The following ZNF177 variants were observed in gnomAD, a reference collection of about 807,000 sequenced individuals.
ZNF177 encodes the protein zinc finger protein 177.
Under a neutral mutation model 19.4 loss-of-function variants are expected in ZNF177, and 17 were observed. The observed-to-expected ratio is 0.87, with a 90% CI of 0.60 to 1.31. The LOEUF (loss-of-function observed/expected upper bound fraction) is 1.31, where lower values mean the gene tolerates loss of function less well. ZNF177 is among the 40% of genes most tolerant of loss of function. ZNF177 has a pLI of 0.00. For synonymous variants in ZNF177, 220 were observed against 188.7 expected, an observed-to-expected ratio of 1.17 and a Z score of -1.36; for missense variants, 633 against 561.8, an observed-to-expected ratio of 1.13 and a Z score of -1.28.
chr19:9,381,774 A>C, exon 6 of ZNF177: 1 of 1,593,496 alleles, frequency 6.3e-7, no homozygotes, highest in Non-Finnish European at 8.5e-7. Context: ...AACTCCATGA[A>C]TGAAATGACT....
exon 3 of ZNF177, chr19:9,378,980 G>A: frequency 6.2e-7 from 1 of 1,607,908 alleles, no homozygotes; most frequent in East Asian, 2.2e-5. Context: ...AACCTTCCAG[G>A]AAGTGGCAGT....
chr19:9,365,436 AGTG>A (rs1381892715), intron 2 of ZNF177, among the ~76,000 whole-genome samples: 1 of 151,808 alleles, frequency 6.6e-6, no homozygotes, highest in Admixed American at 6.6e-5. Context: ...ACCCCAGAAA[AGTG>A]GAGAAGGGCT....
At position 9,381,306 on chromosome 19, in the gene ZNF177, T is replaced by C. The variant is rs775306456; in HGVS notation, c.975T>C (p.Ser325=). The C allele has an allele frequency of 1.9e-6, 3 of 1,614,114 alleles. No homozygotes were observed. In the East Asian group the frequency reaches 6.7e-5, roughly 36 times the overall value. Residue 325 remains serine (S), a synonymous_variant, in exon 6 of 6, where the codon TCT becomes TCC. Coordinates refer to ENST00000589262, the Ensembl canonical transcript of ZNF177. ...GTGGAAAATCCTTTAGCCAGAGCTC[T>C]CATCTGAATGTGCACAAAAGAACTC...
intron 5 of ZNF177, 29 bp from the exon 8 acceptor site, chr19:9,380,639 C>G (rs1226323229): frequency 6.5e-7 from 1 of 1,535,990 alleles, no homozygotes; most frequent in South Asian, 1.2e-5. Context: ...GAAAAAGCCT[C>G]TAGTCACCAC....
upstream of ZNF177, among the ~76,000 whole-genome samples, chr19:9,371,913 CTT>C (rs1171422862): frequency 1.3e-5 from 2 of 152,058 alleles, no homozygotes; most frequent in Admixed American, 6.5e-5. Flanking sequence ...TTTATAGTAT[CTT>C]AATCTATATC....
At position 9,379,042 on chromosome 19, in the gene ZNF177, AT is replaced by A; in HGVS notation, c.115del (p.Tyr39ThrfsTer4). On this transcript the variant is annotated frameshift_variant, in exon 3 of 6. Coordinates refer to ENST00000589262, the Ensembl canonical transcript of ZNF177. LOFTEE classifies it high-confidence loss of function. Reference sequence around the variant, plus strand: ...TGCTGGACCCTGCTCAAAAAAATCTATACAAAGATGTGATGCTGGAGAACTT... The same window carrying A: ...TGCTGGACCCTGCTCAAAAAAATCTAACAAAGATGTGATGCTGGAGAACTT... 1 of 1,611,196 alleles carries A rather than the reference AT, an allele frequency of 6.2e-7. No homozygotes were observed. Among genetic ancestry groups the A allele is most frequent in the Non-Finnish European group, 8.5e-7 (1 of 1,177,930 alleles).
intron 2 of ZNF177, among the ~76,000 whole-genome samples, chr19:9,368,447 A>T (rs995292830): frequency 2.0e-5 from 3 of 152,108 alleles, no homozygotes; most frequent in Non-Finnish European, 4.4e-5. Flanking sequence ...CAACATTTGT[A>T]GTTGTGTTTT....
intron 4 of ZNF177, 102 bp from the exon 7 acceptor site, chr19:9,379,955 T>TA: frequency 7.5e-7 from 1 of 1,330,366 alleles, no homozygotes; most frequent in Non-Finnish European, 1.0e-6. Context: ...TTTCTCTACT[T>TA]AGAAGATATT....
upstream of ZNF177, among the ~76,000 whole-genome samples, chr19:9,373,291 T>C (rs938986376): frequency 1.3e-5 from 2 of 152,218 alleles, no homozygotes; most frequent in African/African-American, 4.8e-5. Context: ...TTTCCTTCTT[T>C]TTTAAGACTG....
At chr19:9,376,942 T>G (rs981508585) in intron 1 of ZNF177, among the ~76,000 whole-genome samples, 31 of 152,164 alleles carry the variant, frequency 2.0e-4, no homozygotes, top group African/African-American at 7.2e-4. Context: ...CTATTTCCTA[T>G]AAATCAGCTC....
In ZNF177 at chr19:9,364,405, C is replaced by T. The variant is rs181594242; in HGVS notation, c.-391-457C>T. ...TTAGAGAGACTATGGAAGGTCCTGA[C>T]AGAGGTTGAAATGCCTGCTATTCCA... is the stretch of plus-strand genomic sequence containing the variant. On this transcript the variant is annotated intron_variant, in intron 1 of 8. Transcript: ENST00000343499. 2.5e-3 allele frequency among the ~76,000 whole-genome samples: 375 copies of T among 152,168 alleles called. 5 individuals are homozygous for T. The highest frequency in any genetic ancestry group is 0.017 in the Admixed American group (266 of 15,286).
intron 3 of ZNF177, 149 bp downstream of exon 5, chr19:9,379,237 C>T (rs1599394197): frequency 7.6e-7 from 1 of 1,318,506 alleles, no homozygotes; most frequent in South Asian, 1.7e-5. Context: ...CCAGTGGCTT[C>T]CCATGAAAAT....
exon 6 of ZNF177, chr19:9,381,250 A>T (rs577170447): frequency 7.4e-6 from 12 of 1,614,180 alleles, no homozygotes; most frequent in Middle Eastern, 1.6e-4. Flanking sequence ...GAGATCTCAT[A>T]CTGGAGAGAA....
rs752798508 is a variant in ZNF177, at chr19:9,379,588, T to G, written c.222T>G (p.Asp74Glu). The change falls in exon 4 of 6, where the codon GAT (aspartate) becomes GAG (glutamate). Residue 74 changes from aspartate to glutamate, a missense_variant. Physicochemically the swap from Asp to Glu is conservative, Grantham distance 45. Transcript: ENST00000589262. ...TGGATCAAGAACAGCTGAAGACAGATGAAAGAGGAATTTTACAAGGTGACT... is the reference window on the plus strand; with the variant it reads ...TGGATCAAGAACAGCTGAAGACAGAGGAAAGAGGAATTTTACAAGGTGACT... The G allele has an allele frequency of 6.2e-6, 10 of 1,613,928 alleles. 1 individual carries two copies. In the South Asian group the frequency reaches 1.1e-4, roughly 18 times the overall value.
upstream of ZNF177, among the ~76,000 whole-genome samples, chr19:9,372,327 T>C (rs2068056108): frequency 6.6e-6 from 1 of 152,136 alleles, no homozygotes; most frequent in African/African-American, 2.4e-5. Flanking sequence ...TTATTATACC[T>C]GATGGGTACA....
chr19:9,369,798 G>C (rs79524855), intron 2 of ZNF177, among the ~76,000 whole-genome samples: 3,211 of 151,830 alleles, frequency 0.021, 110 homozygotes, highest in African/African-American at 0.073. Flanking sequence ...ATTTTATCAT[G>C]CATACTTACA....
In ZNF177 at chr19:9,380,463, G is replaced by A. The variant is rs1172291310; in HGVS notation, c.337-205G>A. ...ATTAAAGAAGCCCTTTGCTGGGAAG[G>A]AATAGAGCCTTGGACAGAGGAGTGA... On this transcript the variant is annotated intron_variant, in intron 5 of 5. Transcript: ENST00000589262. 3 of 1,000,694 alleles carry A rather than the reference G, an allele frequency of 3.0e-6. No individual in the cohort carries two copies. In the Admixed American group the frequency reaches 8.5e-5, roughly 29 times the overall value. The allele number at this position is 1,000,694 out of a possible 1,614,324, so 62.0% of individuals were successfully genotyped here.
In ZNF177 at chr19:9,381,195, CTG is replaced by C. The variant is rs770926111; in HGVS notation, c.867_868del (p.Cys289TrpfsTer11). On this transcript the variant is annotated frameshift_variant, in exon 6 of 6. Coordinates refer to ENST00000589262, the Ensembl canonical transcript of ZNF177. LOFTEE classifies it low-confidence loss of function (END_TRUNC). ...GAGAGATGCCCTATGAATGCAGTGA[CTG>C]TGGGAAAGCCTTCATTTTTCAGTCT... is the stretch of plus-strand genomic sequence containing the variant. The C allele has an allele frequency of 1.9e-6, 3 of 1,614,036 alleles. No individual in the cohort carries two copies. Among genetic ancestry groups the C allele is most frequent in the African/African-American group, 2.7e-5 (2 of 74,916 alleles).
At chr19:9,373,362 CGTT>C (rs1419955010), upstream of ZNF177, among the ~76,000 whole-genome samples, 1 of 152,164 alleles carries the variant, frequency 6.6e-6, no homozygotes, top group Non-Finnish European at 1.5e-5. Flanking sequence ...TCGACAAACA[CGTT>C]GTTTCCATAT....
Sources: allele counts gnomAD v4.1 joint callset (sites outside exome capture counted in the v4.1 genomes callset), GRCh38; gene constraint gnomAD v4.1.1; transcripts MANE v1.5; gene names NCBI Gene and HGNC (gene_info 2026-07-23, HGNC 2026-07-21).